The following TAPT1 variants were observed in gnomAD, a reference collection of about 807,000 sequenced individuals.
The protein encoded by TAPT1 is transmembrane anterior posterior transformation protein 1 homolog.
TAPT1 carries 28 observed loss-of-function variants against 65.6 expected under a neutral mutation model. The observed-to-expected ratio is 0.43, with a 90% CI of 0.32 to 0.59. The LOEUF (loss-of-function observed/expected upper bound fraction) is 0.59. TAPT1 is among the 20% of genes least tolerant of loss of function. The probability of loss-of-function intolerance (pLI) is 0.09; values close to 1 mark genes in which losing one functional copy is unlikely to be tolerated. For synonymous variants in TAPT1, 278 were observed against 245.2 expected (o/e 1.13, Z -1.25); for missense variants, 563 against 679.9 (o/e 0.83, Z 1.91).
At chr4:16,164,141 A>C (rs1042122636) in intron 13 of TAPT1, among the ~76,000 whole-genome samples, 1 of 152,216 alleles carries the variant, frequency 6.6e-6, no homozygotes, top group African/African-American at 2.4e-5. Flanking sequence ...TCCATGTAAG[A>C]ACAGCTTCTT....
intron 1 of TAPT1, chr4:16,225,814 G>T: frequency 2.3e-6 from 2 of 888,228 alleles, no homozygotes; most frequent in Non-Finnish European, 2.7e-6. Flanking sequence ...CTACTTGCAG[G>T]GCAAGTTAAC....
chr4:16,173,846 T>C (rs1253648806), intron 11 of TAPT1, among the ~76,000 whole-genome samples: 1 of 152,244 alleles, frequency 6.6e-6, no homozygotes, highest in Non-Finnish European at 1.5e-5. Flanking sequence ...GTAGAAACAC[T>C]GGATTAATTT....
chr4:16,217,430 G>A (rs534782266), intron 1 of TAPT1, among the ~76,000 whole-genome samples: 75 of 152,292 alleles, frequency 4.9e-4, no homozygotes, highest in African/African-American at 1.7e-3. Context: ...GACATAAAAC[G>A]GAGTGGCCAA....
At chr4:16,186,441 A>G in intron 7 of TAPT1, 94 bp downstream of exon 7, 1 of 773,968 alleles carries the variant, frequency 1.3e-6, no homozygotes, top group Middle Eastern at 2.3e-4. Context: ...GTTTAAGCTG[A>G]AGAGTGGCCC....
At chr4:16,205,062 G>C (rs1333613298) in intron 2 of TAPT1, among the ~76,000 whole-genome samples, 12 of 152,068 alleles carry the variant, frequency 7.9e-5, no homozygotes, top group Non-Finnish European at 1.8e-4. Flanking sequence ...AAAAATACCT[G>C]CCTCAAGAGA....
intron 4 of TAPT1, chr4:16,190,707 C>G (rs1749318093): frequency 6.5e-6 from 1 of 154,796 alleles, no homozygotes; most frequent in Non-Finnish European, 1.5e-5. Context: ...TTGTGAATAT[C>G]TGGCTTATAA....
Position 16,226,301 on chromosome 4 carries a change from A to G in TAPT1, c.157T>C (p.Tyr53His). The change falls in exon 1 of 14, where the codon TAC (tyrosine) becomes CAC (histidine). Residue 53 changes from tyrosine to histidine, a missense_variant. Physicochemically the swap from Tyr to His is moderately conservative, Grantham distance 83 (BLOSUM62 2). Around this residue, in one of 5 missense-constraint regions of TAPT1, gnomAD observed 103 missense variants for 89.4 expected, o/e 1.15. Coordinates refer to ENST00000405303, the MANE Select transcript of TAPT1 (RefSeq NM_153365.3). ...APQLTETLGF[Y>H]ESDRRRERRR... ...CTCTCCCGCCGCCGGTCGCTCTCGT[A>G]GAAGCCCAGCGTCTCTGTGAGCTGA... 2 of 1,129,984 alleles carry G rather than the reference A, an allele frequency of 1.8e-6. No homozygotes were observed. The highest frequency in any genetic ancestry group is 2.2e-6 in the Non-Finnish European group (2 of 923,904). The allele number at this position is 1,129,984 out of a possible 1,614,324, so 70.0% of individuals were successfully genotyped here.
intron 1 of TAPT1, among the ~76,000 whole-genome samples, chr4:16,218,919 A>G (rs767824976): frequency 6.6e-6 from 1 of 152,238 alleles, no homozygotes; most frequent in Non-Finnish European, 1.5e-5. Context: ...ATCATACAAC[A>G]TAAATACTGA....
At chr4:16,226,671 C>A, upstream of TAPT1, 1 of 170,010 alleles carries the variant, frequency 5.9e-6, no homozygotes, top group Non-Finnish European at 1.2e-5. Context: ...CCATCTTCTT[C>A]CTGCCCTCGC....
At chr4:16,216,273 A>G (rs963627029) in intron 1 of TAPT1, 1 of 152,174 alleles carries the variant, frequency 6.6e-6, no homozygotes, top group Non-Finnish European at 1.5e-5. Flanking sequence ...TCAGTGCTCT[A>G]TTCACTACAG....
intron 1 of TAPT1, among the ~76,000 whole-genome samples, chr4:16,218,888 G>A (rs1227460705): frequency 1.3e-5 from 2 of 152,042 alleles, no homozygotes; most frequent in African/African-American, 4.8e-5. Context: ...TATCATCTAA[G>A]TAATTTTCTG....
intron 1 of TAPT1, among the ~76,000 whole-genome samples, chr4:16,225,228 C>A (rs1216332673): frequency 2.0e-5 from 3 of 152,214 alleles, no homozygotes; most frequent in Non-Finnish European, 4.4e-5. Flanking sequence ...ATCAGCAAAT[C>A]AATTAGAATC....
At chr4:16,207,419 CT>C (rs1468152140) in intron 2 of TAPT1, among the ~76,000 whole-genome samples, 1 of 152,150 alleles carries the variant, frequency 6.6e-6, no homozygotes, top group African/African-American at 2.4e-5. Context: ...TTGAAATGAA[CT>C]TTTGGATTAT....
intron 1 of TAPT1, among the ~76,000 whole-genome samples, chr4:16,214,219 G>GA (rs1750801564): frequency 6.6e-6 from 1 of 152,150 alleles, no homozygotes; most frequent in African/African-American, 2.4e-5. Flanking sequence ...GACATGGAAG[G>GA]AAAATCAGTA....
At chr4:16,222,599 A>T (rs934552466) in intron 1 of TAPT1, among the ~76,000 whole-genome samples, 4 of 152,234 alleles carry the variant, frequency 2.6e-5, no homozygotes, top group Non-Finnish European at 5.9e-5. Context: ...TATTTGTAAG[A>T]AGAAACTGAC....
chr4:16,196,692 A>G, intron 3 of TAPT1: 1 of 1,289,062 alleles, frequency 7.8e-7, no homozygotes, highest in Non-Finnish European at 1.0e-6. Flanking sequence ...ATTCCATTCT[A>G]TAAAGGAAGT....
chr4:16,217,160 C>T (rs1007063050), intron 1 of TAPT1, among the ~76,000 whole-genome samples: 1 of 152,162 alleles, frequency 6.6e-6, no homozygotes, highest in East Asian at 1.9e-4. Context: ...AGAGTCTGTC[C>T]TTTCCCCTAC....
intron 10 of TAPT1, 173 bp from the exon 11 acceptor site, chr4:16,174,445 C>G: frequency 1.4e-6 from 1 of 702,046 alleles, no homozygotes; most frequent in Non-Finnish European, 2.3e-6. Context: ...GTCTTAAATA[C>G]AAAGTTGAAT....
chr4:16,214,887 A>G (rs1750848100), intron 1 of TAPT1, among the ~76,000 whole-genome samples: 1 of 152,208 alleles, frequency 6.6e-6, no homozygotes, highest in South Asian at 2.1e-4. Flanking sequence ...CCTCCAAAAA[A>G]TGACAAGGGA....
Sources: gnomAD v4.1 joint callset for allele counts (sites outside exome capture counted in the v4.1 genomes callset) on GRCh38, gnomAD v4.1.1 for gene constraint, gnomAD v4.1.1 regional missense constraint, MANE v1.5 for transcripts, NCBI Gene and HGNC (gene_info 2026-07-23, HGNC 2026-07-21) for gene names.